HIF1A: variants seen among roughly 807,000 people sequenced by gnomAD.
The protein encoded by HIF1A is hypoxia inducible factor 1 subunit alpha.
Under a neutral mutation model 92.7 loss-of-function variants are expected in HIF1A, and 24 were observed. That is an observed-to-expected ratio of 0.26 (90% CI 0.19 to 0.36). HIF1A has a LOEUF of 0.36. Among genes scored for constraint, HIF1A ranks in the 10% least tolerant of loss-of-function variants. HIF1A has a pLI of 1.00. For synonymous variants in HIF1A, 319 were observed against 338.7 expected (o/e 0.94, Z 0.64); for missense variants, 799 against 998.5 (o/e 0.80, Z 2.69).
chr14:61,732,606 C>T (rs1395826447), intron 7 of HIF1A, 82 bp downstream of exon 7: 1 of 825,330 alleles, frequency 1.2e-6, no homozygotes, highest in Non-Finnish European at 2.0e-6. Context: ...CCATCTAATT[C>T]TCTGGTTAAA....
chr14:61,717,803 C>T (rs541712503), intron 1 of HIF1A, among the ~76,000 whole-genome samples: 42 of 152,196 alleles, frequency 2.8e-4, no homozygotes, highest in African/African-American at 1.0e-3. Context: ...GGGTGGATCA[C>T]TTGAGGTCTG....
chr14:61,726,907 G>T, intron 5 of HIF1A, 89 bp downstream of exon 5: 5 of 683,872 alleles, frequency 7.3e-6, no homozygotes, highest in South Asian at 2.3e-5. Context: ...GTGAGGGAAG[G>T]TTTACAGTTC....
At chr14:61,714,802 G>A (rs1373515335) in intron 1 of HIF1A, among the ~76,000 whole-genome samples, 1 of 152,220 alleles carries the variant, frequency 6.6e-6, no homozygotes, top group East Asian at 1.9e-4. Flanking sequence ...GGGAGGCCAA[G>A]GTGGGCAGAT....
rs1438741730 is a variant in HIF1A at position 61,734,279 on chromosome 14, T to C, written c.1022T>C (p.Val341Ala). 1 of 1,605,414 alleles carries C rather than the reference T, an allele frequency of 6.2e-7. No homozygotes were observed. The highest frequency in any genetic ancestry group is 8.5e-7 in the Non-Finnish European group (1 of 1,176,324). Residue 341 changes from valine to alanine, a missense_variant, in exon 8 of 15, where the codon GTT becomes GCT. Coordinates refer to ENST00000337138, the MANE Select transcript of HIF1A (RefSeq NM_001530.4). ...QPQCIVCVNY[V>A]VSGIIQHDLI... The stretch of plus-strand genomic sequence containing the variant: ...CAGTGCATTGTATGTGTGAATTACG[T>C]TGTGAGGTAAGTAAGTTTGAGAAAT...
Position 61,734,134 on chromosome 14 carries a change from CT to C in HIF1A, c.881-3del, listed in dbSNP as rs778739785. 1.3e-6 allele frequency: 2 copies of C among 1,545,384 alleles called. No homozygotes were observed. The highest frequency in any genetic ancestry group is 2.3e-5 in the East Asian group (1 of 42,602). On this transcript the variant is annotated splice_polypyrimidine_tract_variant and splice_region_variant and intron_variant, in intron 7 of 14. Coordinates refer to ENST00000337138, the MANE Select transcript of HIF1A (RefSeq NM_001530.4). ...TGCATGATTCTTTTTCTTTTCCCCC[CT>C]AGTGTTTACTAAAGGACAAGTCACC...
At position 61,720,590 on chromosome 14, in the gene HIF1A, G is replaced by C; in HGVS notation, c.226+18G>C. 6.9e-7 allele frequency: 1 copy of C among 1,452,984 alleles called. No individual in the cohort carries two copies. The highest frequency in any genetic ancestry group is 9.3e-7 in the Non-Finnish European group (1 of 1,070,442). The allele number at this position is 1,452,984 out of a possible 1,614,324, so 90.0% of individuals were successfully genotyped here. A position where few individuals can be genotyped will look rare whatever the true frequency, so the allele number is the denominator to read the frequency against. On this transcript the variant is annotated intron_variant, in intron 2 of 14. Coordinates refer to ENST00000337138, the MANE Select transcript of HIF1A (RefSeq NM_001530.4). ...GGATGCTGGTGAGTTATTTTACAAGGGTATAAATAGGCCTGAAAATTAGAA... is the reference window on the plus strand; with the variant it reads ...GGATGCTGGTGAGTTATTTTACAAGCGTATAAATAGGCCTGAAAATTAGAA...
chr14:61,711,881 T>G (rs569524896), intron 1 of HIF1A, among the ~76,000 whole-genome samples: 1 of 152,372 alleles, frequency 6.6e-6, no homozygotes, highest in Admixed American at 6.5e-5. Flanking sequence ...AATATATATT[T>G]ATACTTCAAC....
intron 1 of HIF1A, chr14:61,715,753 A>C (rs1228156111): frequency 6.6e-6 from 1 of 152,368 alleles, no homozygotes; most frequent in Non-Finnish European, 1.5e-5. Flanking sequence ...TAATCCTCGC[A>C]CTTTGGGAGG....
chr14:61,714,894 C>T lies in HIF1A; in HGVS notation c.36-5488C>T, dbSNP rs1044577449. Among the ~76,000 whole-genome samples, 6 of 152,042 alleles carry T rather than the reference C, an allele frequency of 3.9e-5. No individual in the cohort carries two copies. The East Asian group carries it at 5.8e-4, about 15-fold the overall frequency. On this transcript the variant is annotated intron_variant, in intron 1 of 14. Coordinates refer to ENST00000337138, the MANE Select transcript of HIF1A (RefSeq NM_001530.4). The stretch of plus-strand genomic sequence containing the variant: ...ACTAAGAATACAAAAATTAGCTGGG[C>T]GTGGTGGCACACGCCTGTAATCCCA...
intron 12 of HIF1A, among the ~76,000 whole-genome samples, chr14:61,742,276 T>C (rs2044720734): frequency 6.6e-6 from 1 of 152,224 alleles, no homozygotes; most frequent in South Asian, 2.1e-4. Flanking sequence ...AGGGAAATGA[T>C]TCCTTCTCTA....
Position 61,744,785 on chromosome 14 carries a change from A to G in HIF1A, c.2174A>G (p.Asp725Gly). 1 of 1,589,400 alleles carries G rather than the reference A, an allele frequency of 6.3e-7. No individual in the cohort carries two copies. ...CAGAGAAAGCGAAAAATGGAACATG[A>G]TGGTTCACTTTTTCAAGCAGTAGGA... The part of the protein sequence containing the change: ...NAQRKRKMEH[D>G]GSLFQAVGIG... The change falls in exon 13 of 15, where the codon GAT (aspartate) becomes GGT (glycine). Residue 725 changes from aspartate to glycine, a missense_variant. Asp to Gly is a moderately conservative substitution (Grantham distance 94). This residue lies in a region of HIF1A where 283 missense variants were observed against 277.5 expected (regional missense o/e 1.02). Coordinates refer to ENST00000337138, the MANE Select transcript of HIF1A (RefSeq NM_001530.4).
chr14:61,728,647 T>TA (rs2044537617), intron 6 of HIF1A, among the ~76,000 whole-genome samples: 1 of 152,224 alleles, frequency 6.6e-6, no homozygotes, highest in Admixed American at 6.5e-5. Flanking sequence ...GTCTAAATCT[T>TA]ACAGATTTAC....
chr14:61,721,514 T>A lies in HIF1A; in HGVS notation c.232T>A (p.Leu78Met), dbSNP rs1325730250. 2 of 1,612,162 alleles carry A rather than the reference T, an allele frequency of 1.2e-6. No individual in the cohort carries two copies. Among genetic ancestry groups the A allele is most frequent in the African/African-American group, 2.7e-5 (2 of 74,882 alleles). ...RVRKLLDAGD[L>M]DIEDDMKAQM... ...TCTTCTTGTGCCCTTTTTAGGTGAT[T>A]TGGATATTGAAGATGACATGAAAGC... is the stretch of plus-strand genomic sequence containing the variant. Residue 78 changes from leucine (L) to methionine (M), a missense_variant, in exon 3 of 15, where the codon TTG becomes ATG. By Grantham distance (15) the Leu-to-Met change is conservative (BLOSUM62 2). Coordinates refer to ENST00000337138, the MANE Select transcript of HIF1A (RefSeq NM_001530.4).
At chr14:61,746,373 T>C (rs919327418) in intron 14 of HIF1A, among the ~76,000 whole-genome samples, 14 of 150,080 alleles carry the variant, frequency 9.3e-5, no homozygotes, top group Non-Finnish European at 1.5e-5. Context: ...AAGCTGAAAT[T>C]TGTGAACTTT....
At chr14:61,735,513 C>T (rs1024340700) in intron 8 of HIF1A, among the ~76,000 whole-genome samples, 1 of 152,188 alleles carries the variant, frequency 6.6e-6, no homozygotes, top group Admixed American at 6.5e-5. Context: ...CAAGCCTTCT[C>T]TATTTTAGCA....
chr14:61,738,006 A>C, intron 9 of HIF1A, 81 bp from the exon 10 acceptor site: 2 of 1,195,124 alleles, frequency 1.7e-6, no homozygotes, highest in Non-Finnish European at 2.3e-6. Flanking sequence ...CAGCCTGGGC[A>C]ACAGAGCAAG....
intron 1 of HIF1A, among the ~76,000 whole-genome samples, chr14:61,700,631 A>G (rs1274204009): frequency 6.6e-6 from 1 of 152,112 alleles, no homozygotes. Context: ...TGAAGCTTTC[A>G]CTTTTTTTGG....
chr14:61,709,162 G>C (rs374116091), intron 1 of HIF1A, among the ~76,000 whole-genome samples: 2 of 152,162 alleles, frequency 1.3e-5, no homozygotes, highest in East Asian at 3.8e-4. Context: ...CTCCCAAAGT[G>C]CTGGGATTAC....
intron 12 of HIF1A, among the ~76,000 whole-genome samples, chr14:61,744,470 G>A (rs1308976130): frequency 2.1e-5 from 3 of 144,932 alleles, no homozygotes; most frequent in Admixed American, 1.4e-4. Context: ...CAGAGATCAC[G>A]TCTCTGCACT....
Sources: gnomAD v4.1 joint callset for allele counts (sites outside exome capture counted in the v4.1 genomes callset) on GRCh38, gnomAD v4.1.1 for gene constraint, gnomAD v4.1.1 regional missense constraint, MANE v1.5 for transcripts, NCBI Gene and HGNC (gene_info 2026-07-23, HGNC 2026-07-21) for gene names.